The following POU3F4 variants were observed in gnomAD, a reference collection of about 807,000 sequenced individuals.
POU3F4 encodes the protein POU domain, class 3, transcription factor 4.
A neutral mutation model predicts 15.2 loss-of-function variants in POU3F4; 2 were observed. The observed-to-expected ratio is 0.13, with a 90% CI of 0.05 to 0.42. The LOEUF is 0.42. Ranked by LOEUF, POU3F4 falls within the 10% of genes least tolerant of loss-of-function variation. The probability of loss-of-function intolerance (pLI) is 0.99; values close to 1 mark genes in which losing one functional copy is unlikely to be tolerated. For missense variants in POU3F4, 220 were observed against 297.0 expected (o/e 0.74, Z 1.91); for synonymous variants, 158 against 133.3 (o/e 1.19, Z -1.28).
In POU3F4 at chrX:83,510,297, C is replaced by G. The variant is rs923131657; in HGVS notation, c.*887C>G. ...AGATGCCTATCTACTCACCGCCCCC[C>G]CCCTTCCCAAATCTCTATGAGGAGG... On this transcript the variant is annotated 3_prime_UTR_variant, in exon 1 of 1. Coordinates refer to ENST00000644024, the MANE Select transcript of POU3F4 (RefSeq NM_000307.5). 6 of 107,438 alleles carry G rather than the reference C, an allele frequency of 5.6e-5. No homozygotes were observed. Among genetic ancestry groups the G allele is most frequent in the Non-Finnish European group, 1.2e-4 (6 of 51,498 alleles). The allele number at this position is 107,438 out of a possible 1,213,427, so 8.9% of individuals were successfully genotyped here. A position where few individuals can be genotyped will look rare whatever the true frequency, so the allele number is the denominator to read the frequency against.
At position 83,512,066 on chromosome X, in the gene POU3F4, G is replaced by T. The variant is rs1316249045; in HGVS notation, c.*2656G>T. On this transcript the variant is annotated 3_prime_UTR_variant, in exon 1 of 1. Transcript: ENST00000644024. The stretch of plus-strand genomic sequence containing the variant: ...TTTTAGTCAAGGGGTTTATATTGAC[G>T]CAATATTTTATTGTTGTAAAAGATT... 8.9e-6 allele frequency: 1 copy of T among 112,112 alleles called. No individual in the cohort carries two copies. Among genetic ancestry groups the T allele is most frequent in the African/African-American group, 3.2e-5 (1 of 30,818 alleles). 9.2% of individuals were successfully genotyped at this position (112,112 alleles called of 1,213,427 possible).
In POU3F4 at chrX:83,509,209, G is replaced by T. The variant is rs367805648; in HGVS notation, c.885G>T (p.Thr295=). 5.8e-6 allele frequency: 7 copies of T among 1,211,499 alleles called. No homozygotes were observed. The East Asian group carries it at 2.1e-4, about 36-fold the overall frequency. ...TGAGTGTCAAGGGCGTACTGGAGAC[G>T]CATTTCCTCAAGTGTCCCAAGCCTG... The part of the protein sequence containing the change: ...IEVSVKGVLE[T]HFLKCPKPAA... Residue 295 remains threonine, a synonymous_variant, in exon 1 of 1, where the codon ACG becomes ACT. Coordinates refer to ENST00000644024, the MANE Select transcript of POU3F4 (RefSeq NM_000307.5).
Position 83,508,945 on chromosome X carries a change from G to A in POU3F4, c.621G>A (p.Lys207=). ...FAKQFKQRRI[K]LGFTQADVGL... ...AACAATTCAAACAAAGAAGAATCAA[G>A]TTGGGCTTCACGCAGGCCGACGTGG... is the stretch of plus-strand genomic sequence containing the variant. The change falls in exon 1 of 1, where the codon AAG becomes AAA. Residue 207 remains lysine, a synonymous_variant. Transcript: ENST00000644024. 2 of 1,212,314 alleles carry A rather than the reference G, an allele frequency of 1.6e-6. No individual in the cohort carries two copies. Among genetic ancestry groups the A allele is most frequent in the Non-Finnish European group, 2.2e-6 (2 of 895,652 alleles).
chrX:83,510,909 G>C lies in POU3F4; in HGVS notation c.*1499G>C, dbSNP rs2067839533. The stretch of plus-strand genomic sequence containing the variant: ...AGGTCACAGGGATTCTGGTCCATCC[G>C]CGTACCACCTCTCCCCCCATGTATA... On this transcript the variant is annotated 3_prime_UTR_variant, in exon 1 of 1. Transcript: ENST00000644024. The C allele has an allele frequency of 9.1e-6, 1 of 109,536 alleles. No homozygotes were observed. Among genetic ancestry groups the C allele is most frequent in the African/African-American group, 3.3e-5 (1 of 29,997 alleles). The allele number at this position is 109,536 out of a possible 1,213,427, so 9.0% of individuals were successfully genotyped here.
Position 83,511,408 on chromosome X carries a change from A to C in POU3F4, c.*1998A>C, listed in dbSNP as rs1321942521. ...CGCTGCACGCCACTGCTGGCCGCCT[A>C]GTCCGGCCTTTAGGCGCAGCTGCTG... On this transcript the variant is annotated 3_prime_UTR_variant, in exon 1 of 1. Transcript: ENST00000644024. 1 of 112,057 alleles carries C rather than the reference A, an allele frequency of 8.9e-6. No homozygotes were observed. 9.2% of individuals were successfully genotyped at this position (112,057 alleles called of 1,213,427 possible). A position where few individuals can be genotyped will look rare whatever the true frequency, so the allele number is the denominator to read the frequency against.
At position 83,508,799 on chromosome X, in the gene POU3F4, G is replaced by T; in HGVS notation, c.475G>T (p.Ala159Ser). Reference sequence around the variant, plus strand: ...CACCCCACCTCCAGCTGCCGCCTCTGCACAGAGCCTGCACCCGGTGCTCCG... The same window carrying T: ...CACCCCACCTCCAGCTGCCGCCTCTTCACAGAGCCTGCACCCGGTGCTCCG... ...GLTPPPAAAS[A>S]QSLHPVLREP... Residue 159 changes from alanine to serine, a missense_variant, in exon 1 of 1, where the codon GCA becomes TCA. By Grantham distance (99) the Ala-to-Ser change is moderately conservative (BLOSUM62 1). This residue lies in a region of POU3F4 where 161 missense variants were observed against 154.1 expected (regional missense o/e 1.05). Coordinates refer to ENST00000644024, the MANE Select transcript of POU3F4 (RefSeq NM_000307.5). The T allele has an allele frequency of 8.3e-7, 1 of 1,206,280 alleles. No homozygotes were observed. The highest frequency in any genetic ancestry group is 2.2e-5 in the Admixed American group (1 of 45,376).
Position 83,510,583 on chromosome X carries a change from T to C in POU3F4, c.*1173T>C, listed in dbSNP as rs774603003. The C allele has an allele frequency of 9.0e-6, 1 of 111,494 alleles. No individual in the cohort carries two copies. The highest frequency in any genetic ancestry group is 3.3e-5 in the African/African-American group (1 of 30,686). 9.2% of individuals were successfully genotyped at this position (111,494 alleles called of 1,213,427 possible). On this transcript the variant is annotated 3_prime_UTR_variant, in exon 1 of 1. Coordinates refer to ENST00000644024, the MANE Select transcript of POU3F4 (RefSeq NM_000307.5). ...AGGTGGCCTGACAGTCTGGGAGGGC[T>C]CCGCACTCACCGGACTCCAGGATTC... is the stretch of plus-strand genomic sequence containing the variant.
In POU3F4 at chrX:83,508,318, A is replaced by G. The variant is rs1414260796; in HGVS notation, c.-7A>G. On this transcript the variant is annotated 5_prime_UTR_variant, in exon 1 of 1. Coordinates refer to ENST00000644024, the MANE Select transcript of POU3F4 (RefSeq NM_000307.5). ...ACATTATAACTAGTAGGGGATCCTCACCGACCATGGCCACAGCTGCCTCGA... is the reference window on the plus strand; with the variant it reads ...ACATTATAACTAGTAGGGGATCCTCGCCGACCATGGCCACAGCTGCCTCGA... The G allele has an allele frequency of 4.1e-6, 5 of 1,211,860 alleles. No homozygotes were observed. The highest frequency in any genetic ancestry group is 4.5e-6 in the Non-Finnish European group (4 of 895,520).
In POU3F4 at chrX:83,511,123, TGTGC is replaced by T. The variant is rs2147997825; in HGVS notation, c.*1719_*1722del. On this transcript the variant is annotated 3_prime_UTR_variant, in exon 1 of 1. Transcript: ENST00000644024. The stretch of plus-strand genomic sequence containing the variant: ...GTATGTGTCTCTGTGCGTGTGTGTG[TGTGC>T]GTGCGCGTGCAAACGTGTGTGTGTA... 9.4e-6 allele frequency: 1 copy of T among 106,936 alleles called. No homozygotes were observed. The highest frequency in any genetic ancestry group is 1.0e-4 in the Admixed American group (1 of 9,816). The allele number at this position is 106,936 out of a possible 1,213,427, so 8.8% of individuals were successfully genotyped here.
Position 83,510,275 on chromosome X carries a change from T to G in POU3F4, c.*865T>G, listed in dbSNP as rs1425475202. The G allele has an allele frequency of 4.3e-5, 4 of 93,271 alleles. No individual in the cohort carries two copies. Among genetic ancestry groups the G allele is most frequent in the African/African-American group, 1.7e-4 (4 of 23,397 alleles). The allele number at this position is 93,271 out of a possible 1,213,427, so 7.7% of individuals were successfully genotyped here. A position where few individuals can be genotyped will look rare whatever the true frequency, so the allele number is the denominator to read the frequency against. ...GAATGGGAATAGGCGGGGAGAGAGA[T>G]GCCTATCTACTCACCGCCCCCCCCC... On this transcript the variant is annotated 3_prime_UTR_variant, in exon 1 of 1. Transcript: ENST00000644024.
Position 83,509,533 on chromosome X carries a change from C to T in POU3F4, c.*123C>T. 1 of 931,693 alleles carries T rather than the reference C, an allele frequency of 1.1e-6. No homozygotes were observed. The highest frequency in any genetic ancestry group is 1.5e-6 in the Non-Finnish European group (1 of 674,691). The allele number at this position is 931,693 out of a possible 1,213,427, so 76.8% of individuals were successfully genotyped here. ...TTTCTCTCTCTCTCGTTCGCTCGCT[C>T]TCTCGTACTCTCTCTCTTTTCCCTC... On this transcript the variant is annotated 3_prime_UTR_variant, in exon 1 of 1. Transcript: ENST00000644024.
In POU3F4 at chrX:83,509,338, G is replaced by T. The variant is rs140485350; in HGVS notation, c.1014G>T (p.Pro338=). 6.1e-5 allele frequency: 74 copies of T among 1,208,697 alleles called. No homozygotes were observed. Among genetic ancestry groups the T allele is most frequent in the Non-Finnish European group, 7.9e-5 (71 of 894,344 alleles). Residue 338 remains proline (P), a synonymous_variant, in exon 1 of 1, where the codon CCG becomes CCT. Coordinates refer to ENST00000644024, the MANE Select transcript of POU3F4 (RefSeq NM_000307.5). Reference sequence around the variant, plus strand: ...GACAAAAAGAGAAAAGAATGACTCCGCCAGGGGATCAGCAGCCGCATGAGG... The same window carrying T: ...GACAAAAAGAGAAAAGAATGACTCCTCCAGGGGATCAGCAGCCGCATGAGG... The part of the protein sequence containing the change: ...NRRQKEKRMT[P]PGDQQPHEVY...
rs779713849 is a variant in POU3F4, at chrX:83,509,077, G to A, written c.753G>A (p.Leu251=). 1.5e-4 allele frequency: 176 copies of A among 1,210,682 alleles called. No individual in the cohort carries two copies. Among genetic ancestry groups the A allele is most frequent in the East Asian group, 1.8e-4 (6 of 33,738 alleles). ...SFKNMCKLKP[L]LNKWLEEADS... is the part of the protein sequence containing the mutation. ...AAAATATGTGCAAGCTGAAGCCCCT[G>A]CTGAACAAGTGGCTGGAGGAGGCGG... Residue 251 remains leucine, a synonymous_variant, in exon 1 of 1, where the codon CTG becomes CTA. Transcript: ENST00000644024.
At position 83,509,646 on chromosome X, in the gene POU3F4, C is replaced by T. The variant is rs1007314609; in HGVS notation, c.*236C>T. ...TTTTCTTTCCTTTCCCCTTCCCTTC[C>T]CTTCCCTTCCATCTCTTCCTTTCCT... On this transcript the variant is annotated 3_prime_UTR_variant, in exon 1 of 1. Coordinates refer to ENST00000644024, the MANE Select transcript of POU3F4 (RefSeq NM_000307.5). 3 of 436,602 alleles carry T rather than the reference C, an allele frequency of 6.9e-6. No individual in the cohort carries two copies. Among genetic ancestry groups the T allele is most frequent in the African/African-American group, 5.2e-5 (2 of 38,756 alleles). 36.0% of individuals were successfully genotyped at this position (436,602 alleles called of 1,213,427 possible).
rs746754567 is a variant in POU3F4 at position 83,508,770 on chromosome X, G to C, written c.446G>C (p.Gly149Ala). 2.5e-6 allele frequency: 3 copies of C among 1,203,911 alleles called. No homozygotes were observed. Among genetic ancestry groups the C allele is most frequent in the East Asian group, 6.0e-5 (2 of 33,404 alleles). The change falls in exon 1 of 1, where the codon GGA becomes GCA. Residue 149 changes from glycine (G) to alanine (A), a missense_variant. Transcript: ENST00000644024. ...GTGAGCGGCATGCTGGAACACGGGGGACTCACCCCACCTCCAGCTGCCGCC... is the reference window on the plus strand; with the variant it reads ...GTGAGCGGCATGCTGGAACACGGGGCACTCACCCCACCTCCAGCTGCCGCC... ...FTVSGMLEHG[G>A]LTPPPAAASA...
In POU3F4 at chrX:83,510,082, T is replaced by C. The variant is rs1925878147; in HGVS notation, c.*672T>C. ...TTACAATAGACTAGTTTTGCATTTTTAAAAACTTCTATAGCGTTTCTAAAT... is the reference window on the plus strand; with the variant it reads ...TTACAATAGACTAGTTTTGCATTTTCAAAAACTTCTATAGCGTTTCTAAAT... On this transcript the variant is annotated 3_prime_UTR_variant, in exon 1 of 1. Transcript: ENST00000644024. The C allele has an allele frequency of 8.9e-6, 1 of 112,148 alleles. No homozygotes were observed. Among genetic ancestry groups the C allele is most frequent in the Non-Finnish European group, 1.9e-5 (1 of 53,345 alleles). 9.2% of individuals were successfully genotyped at this position (112,148 alleles called of 1,213,427 possible).
In POU3F4 at chrX:83,509,239, G is replaced by C; in HGVS notation, c.915G>C (p.Ala305=). 8.3e-7 allele frequency: 1 copy of C among 1,211,934 alleles called. No homozygotes were observed. ...TCCTCAAGTGTCCCAAGCCTGCCGC[G>C]CAGGAGATCTCCTCGCTGGCAGACA... The part of the protein sequence containing the change: ...THFLKCPKPA[A]QEISSLADSL... Residue 305 remains alanine, a synonymous_variant, in exon 1 of 1, where the codon GCG becomes GCC. Coordinates refer to ENST00000644024, the MANE Select transcript of POU3F4 (RefSeq NM_000307.5).
chrX:83,509,124 C>A lies in POU3F4; in HGVS notation c.800C>A (p.Thr267Asn), dbSNP rs1292660616. ...GCGGATTCGTCCACAGGGAGCCCGA[C>A]CAGCATTGACAAGATCGCTGCACAG... ...EEADSSTGSP[T>N]SIDKIAAQGR... The change falls in exon 1 of 1, where the codon ACC (threonine) becomes AAC (asparagine). Residue 267 changes from threonine to asparagine, a missense_variant. Physicochemically the swap from Thr to Asn is moderately conservative, Grantham distance 65. Coordinates refer to ENST00000644024, the MANE Select transcript of POU3F4 (RefSeq NM_000307.5). 1 of 1,211,706 alleles carries A rather than the reference C, an allele frequency of 8.3e-7. No homozygotes were observed. Among genetic ancestry groups the A allele is most frequent in the Non-Finnish European group, 1.1e-6 (1 of 895,465 alleles).
chrX:83,508,613 C>T lies in POU3F4; in HGVS notation c.289C>T (p.Arg97Cys), dbSNP rs768166630. 1 of 1,210,758 alleles carries T rather than the reference C, an allele frequency of 8.3e-7. No homozygotes were observed. The highest frequency in any genetic ancestry group is 1.8e-5 in the South Asian group (1 of 56,744). The change falls in exon 1 of 1, where the codon CGC becomes TGC. Residue 97 changes from arginine (R) to cysteine (C), a missense_variant. Arg to Cys is a radical substitution (Grantham distance 180). Transcript: ENST00000644024. ...GCAACTGGGTGCGATCATCCATCAC[C>T]GCTCGCCACACGTAGCCCACCACTC... ...DLQLGAIIHH[R>C]SPHVAHHSPH...
Sources: gnomAD v4.1 joint callset for allele counts on GRCh38, gnomAD v4.1.1 for gene constraint, gnomAD v4.1.1 regional missense constraint, MANE v1.5 for transcripts, NCBI Gene and HGNC (gene_info 2026-07-23, HGNC 2026-07-21) for gene names.